The following FMN2 variants were observed in gnomAD, a reference collection of about 807,000 sequenced individuals.
FMN2 encodes the protein formin-2.
In FMN2, 51 loss-of-function variants were observed where a neutral mutation model predicts 142.3. The ratio of observed to expected loss-of-function variants is 0.36; its 90% CI spans 0.29 to 0.45. FMN2 has a LOEUF of 0.45. Ranked by LOEUF, FMN2 falls within the 20% of genes least tolerant of loss-of-function variation. The pLI is 1.00. For synonymous variants in FMN2, 882 were observed against 869.8 expected (o/e 1.01, Z -0.25); for missense variants, 1,936 against 2,122.8 (o/e 0.91, Z 1.73).
chr1:240,359,588 C>T lies in FMN2; in HGVS notation c.4858+3680C>T, dbSNP rs191929142. Reference sequence around the variant, plus strand: ...CCTGCAACCCATTCAATTTTCCCTCCCTATCTTCCTAGTTCTACTGAAGCC... The same window carrying T: ...CCTGCAACCCATTCAATTTTCCCTCTCTATCTTCCTAGTTCTACTGAAGCC... On this transcript the variant is annotated intron_variant, in intron 14 of 17. Coordinates refer to ENST00000319653, the MANE Select transcript of FMN2 (RefSeq NM_020066.5). Among the ~76,000 whole-genome samples the T allele has an allele frequency of 1.1e-4, 16 of 152,258 alleles. No homozygotes were observed. The East Asian group carries it at 3.1e-3, about 29-fold the overall frequency.
At chr1:240,151,988 A>T (rs1663799197) in intron 2 of FMN2, among the ~76,000 whole-genome samples, 1 of 151,978 alleles carries the variant, frequency 6.6e-6, no homozygotes, top group Non-Finnish European at 1.5e-5. Context: ...GCTGCTCTCG[A>T]ACTCCTGGGC....
At chr1:240,370,767 G>A (rs186883693) in intron 14 of FMN2, among the ~76,000 whole-genome samples, 11 of 151,960 alleles carry the variant, frequency 7.2e-5, no homozygotes, top group South Asian at 6.2e-4. Flanking sequence ...CCTCATCACC[G>A]CCATTCTGTT....
intron 8 of FMN2, among the ~76,000 whole-genome samples, chr1:240,309,724 A>T (rs1215537522): frequency 6.6e-6 from 1 of 151,950 alleles, no homozygotes; most frequent in Non-Finnish European, 1.5e-5. Context: ...GCAAAGCATA[A>T]CCTCATATTC....
chr1:240,432,638 C>T (rs992878099), intron 15 of FMN2, among the ~76,000 whole-genome samples: 1 of 151,910 alleles, frequency 6.6e-6, no homozygotes, highest in Non-Finnish European at 1.5e-5. Context: ...CAATTTCTCT[C>T]TAAGTACTTG....
chr1:240,128,937 G>A (rs1342036129), intron 2 of FMN2, among the ~76,000 whole-genome samples: 5 of 151,966 alleles, frequency 3.3e-5, no homozygotes, highest in African/African-American at 4.8e-5. Flanking sequence ...GCAGTGGCGC[G>A]ATCTTGGCTT....
At chr1:240,448,654 AAAAC>A (rs1351877858) in intron 16 of FMN2, among the ~76,000 whole-genome samples, 3 of 152,170 alleles carry the variant, frequency 2.0e-5, no homozygotes, top group Non-Finnish European at 4.4e-5. Context: ...TGTCTCTACA[AAAAC>A]AAACAAACAA....
chr1:240,195,786 G>A (rs1665888520), intron 4 of FMN2, among the ~76,000 whole-genome samples: 1 of 151,998 alleles, frequency 6.6e-6, no homozygotes, highest in Admixed American at 6.5e-5. Context: ...GGGAGGCTGA[G>A]GTGGGAGGAT....
intron 7 of FMN2, among the ~76,000 whole-genome samples, chr1:240,288,460 A>G (rs1186178756): frequency 6.6e-6 from 1 of 152,130 alleles, no homozygotes; most frequent in East Asian, 1.9e-4. Flanking sequence ...AAATTAACAC[A>G]AGGTAGAGAC....
chr1:240,361,718 A>AT, intron 14 of FMN2, among the ~76,000 whole-genome samples: 1 of 152,338 alleles, frequency 6.6e-6, no homozygotes, highest in East Asian at 1.9e-4. Flanking sequence ...CCCAGTGGAC[A>AT]TGTGGGTATA....
chr1:240,185,779 A>G (rs1665420521), intron 3 of FMN2, among the ~76,000 whole-genome samples: 1 of 152,206 alleles, frequency 6.6e-6, no homozygotes. Flanking sequence ...GAAGAGGAAG[A>G]GAGACTTTTC....
At chr1:240,177,231 G>A (rs1664954036) in intron 2 of FMN2, among the ~76,000 whole-genome samples, 1 of 152,172 alleles carries the variant, frequency 6.6e-6, no homozygotes, top group Admixed American at 6.5e-5. Flanking sequence ...CCATGGAGCA[G>A]GCTTCCCTGT....
rs199795761 is a variant in FMN2 at position 240,177,916 on chromosome 1, T to C, written c.1783-5T>C. 1 of 1,550,462 alleles carries C rather than the reference T, an allele frequency of 6.4e-7. No individual in the cohort carries two copies. Among genetic ancestry groups the C allele is most frequent in the Non-Finnish European group, 8.7e-7 (1 of 1,154,578 alleles). ...CATTTCAACATTTTTTATTTTTAAA[T>C]ATAGCAAGATCAACTTTATACCTGG... On this transcript the variant is annotated splice_region_variant and splice_polypyrimidine_tract_variant and intron_variant, in intron 2 of 17. Transcript: ENST00000319653.
At chr1:240,358,713 A>G (rs953162627) in intron 14 of FMN2, among the ~76,000 whole-genome samples, 2 of 152,168 alleles carry the variant, frequency 1.3e-5, no homozygotes, top group Non-Finnish European at 2.9e-5. Context: ...TAAGAACGGC[A>G]TGGAGAAATG....
At chr1:240,430,996 A>G (rs1230006909) in intron 15 of FMN2, among the ~76,000 whole-genome samples, 1 of 151,286 alleles carries the variant, frequency 6.6e-6, no homozygotes, top group Admixed American at 6.6e-5. Context: ...AAAAAAAAAA[A>G]CTCTTGATTG....
chr1:240,149,453 C>T (rs1663669648), intron 2 of FMN2, among the ~76,000 whole-genome samples: 1 of 152,144 alleles, frequency 6.6e-6, no homozygotes, highest in African/African-American at 2.4e-5. Flanking sequence ...TTAATTCTAG[C>T]ATTTGTACTG....
At chr1:240,283,586 A>T (rs1178504452) in intron 7 of FMN2, among the ~76,000 whole-genome samples, 1 of 152,158 alleles carries the variant, frequency 6.6e-6, no homozygotes, top group Non-Finnish European at 1.5e-5. Context: ...TATATGCAGG[A>T]CACTCTGGCA....
chr1:240,355,590 A>G (rs1311291628), intron 13 of FMN2, among the ~76,000 whole-genome samples: 1 of 152,166 alleles, frequency 6.6e-6, no homozygotes, highest in Non-Finnish European at 1.5e-5. Context: ...GGAATAATCA[A>G]ACTGAGATTA....
intron 15 of FMN2, among the ~76,000 whole-genome samples, chr1:240,421,214 C>CT (rs1286102314): frequency 6.6e-6 from 1 of 151,982 alleles, no homozygotes; most frequent in African/African-American, 2.4e-5. Flanking sequence ...CCTTGGCCAA[C>CT]TTTTTTTTCC....
chr1:240,395,172 T>G (rs1195796381), intron 15 of FMN2, among the ~76,000 whole-genome samples: 4 of 152,080 alleles, frequency 2.6e-5, no homozygotes, highest in Non-Finnish European at 5.9e-5. Context: ...GCACATCTGT[T>G]TACAGCATAG....
Sources: allele counts gnomAD v4.1 joint callset (sites outside exome capture counted in the v4.1 genomes callset), GRCh38; gene constraint gnomAD v4.1.1; transcripts MANE v1.5; gene names NCBI Gene and HGNC (gene_info 2026-07-23, HGNC 2026-07-21).